NCKIPSD: variants seen among roughly 807,000 people sequenced by gnomAD.
NCKIPSD encodes the protein NCK interacting protein with SH3 domain.
Under a neutral mutation model 73.4 loss-of-function variants are expected in NCKIPSD, and 48 were observed. That is an observed-to-expected ratio of 0.65 (90% CI 0.52 to 0.83). NCKIPSD has a LOEUF of 0.83. NCKIPSD is among the 40% of genes least tolerant of loss of function. NCKIPSD has a pLI of 0.00. For synonymous variants in NCKIPSD, 422 were observed against 403.6 expected (o/e 1.05, Z -0.54); for missense variants, 884 against 970.2 (o/e 0.91, Z 1.18).
At chr3:48,678,787 A>G in intron 11 of NCKIPSD, 51 bp from the exon 12 acceptor site, 1 of 1,611,146 alleles carries the variant, frequency 6.2e-7, no homozygotes, top group Non-Finnish European at 8.5e-7. Context: ...GGGATCCCAG[A>G]GTCACCCCAG....
At position 48,685,898 on chromosome 3, in the gene NCKIPSD, C is replaced by G; in HGVS notation, c.-91G>C. The G allele has an allele frequency of 1.6e-6, 2 of 1,238,334 alleles. No individual in the cohort carries two copies. Among genetic ancestry groups the G allele is most frequent in the Non-Finnish European group, 1.0e-6 (1 of 962,198 alleles). 76.7% of individuals were successfully genotyped at this position (1,238,334 alleles called of 1,614,324 possible). A position where few individuals can be genotyped will look rare whatever the true frequency, so the allele number is the denominator to read the frequency against. On this transcript the variant is annotated 5_prime_UTR_variant, in exon 1 of 13. Transcript: ENST00000294129. ...GCGCCGAGCCGCGCCGCGGTTGTCC[C>G]GCCCCGTGACACACTACGCAGGCGC... is the stretch of plus-strand genomic sequence containing the variant.
chr3:48,683,348 C>T (rs555018133), intron 1 of NCKIPSD, among the ~76,000 whole-genome samples: 2 of 152,264 alleles, frequency 1.3e-5, no homozygotes, highest in Admixed American at 6.5e-5. Context: ...CAGCCAGGAG[C>T]GCATACCTCG....
intron 12 of NCKIPSD, among the ~76,000 whole-genome samples, chr3:48,675,521 T>TATATG (rs1369157172): frequency 6.8e-5 from 5 of 73,168 alleles, no homozygotes; most frequent in African/African-American, 2.7e-4. Flanking sequence ...TATATATATA[T>TATATG]ATATATGATA....
intron 2 of NCKIPSD, 123 bp from the exon 3 acceptor site, chr3:48,682,675 C>T (rs535940831): frequency 2.0e-5 from 25 of 1,220,210 alleles, no homozygotes; most frequent in Admixed American, 1.0e-4. Context: ...CTCCTCCATG[C>T]TCCACCCCAG....
rs774957049 is a variant in NCKIPSD at position 48,682,539 on chromosome 3, G to A, written c.295C>T (p.His99Tyr). Reference sequence around the variant, plus strand: ...CTGCGTGACAGGGTCTCTTTCCGGTGGTGGATCAGCTTCCTGATGGAAGGA... The same window carrying A: ...CTGCGTGACAGGGTCTCTTTCCGGTAGTGGATCAGCTTCCTGATGGAAGGA... ...QRGVLQKLIH[H>Y]RKETLSRRGP... is the part of the protein sequence containing the mutation. Residue 99 changes from histidine (H) to tyrosine (Y), a missense_variant, in exon 3 of 13, where the codon CAC becomes TAC. Coordinates refer to ENST00000294129, the MANE Select transcript of NCKIPSD (RefSeq NM_016453.4). 3 of 1,613,974 alleles carry A rather than the reference G, an allele frequency of 1.9e-6. No individual in the cohort carries two copies. The highest frequency in any genetic ancestry group is 2.2e-5 in the South Asian group (2 of 91,080).
In NCKIPSD at chr3:48,685,177, T is replaced by C. The variant is rs1332906860; in HGVS notation, c.171+460A>G. Among the ~76,000 whole-genome samples the C allele has an allele frequency of 3.4e-4, 9 of 26,476 alleles. No individual in the cohort carries two copies. The Admixed American group carries it at 4.0e-3, about 12-fold the overall frequency. 17.4% of individuals were successfully genotyped at this position (26,476 alleles called of 152,430 possible). On this transcript the variant is annotated intron_variant, in intron 1 of 12. Transcript: ENST00000294129. ...CTCCAACGGGGGGCAAGGCGCGGGG[T>C]TGGGGGAAGAAGGAAGGGAGGGAGG...
At position 48,681,616 on chromosome 3, in the gene NCKIPSD, C is replaced by T. The variant is rs116261211; in HGVS notation, c.763G>A (p.Val255Met). The T allele has an allele frequency of 5.1e-4, 816 of 1,613,784 alleles. 3 individuals carry two copies. The highest frequency in any genetic ancestry group is 5.5e-4 in the Admixed American group (33 of 59,994). The change falls in exon 5 of 13, where the codon GTG becomes ATG. Residue 255 changes from valine to methionine, a missense_variant. Physicochemically the swap from Val to Met is conservative, Grantham distance 21 (BLOSUM62 1). Coordinates refer to ENST00000294129, the MANE Select transcript of NCKIPSD (RefSeq NM_016453.4). ...PVPRRGTHTT[V>M]SQVQPPPSKA... ...GAGGGAGGGGGCTGGACTTGGGACA[C>T]GGTGGTGTGGGTGCCTCGGCGGGGC...
intron 5 of NCKIPSD, 124 bp downstream of exon 5, chr3:48,681,163 C>T (rs987132746): frequency 2.1e-6 from 3 of 1,408,310 alleles, no homozygotes; most frequent in Non-Finnish European, 2.8e-6. Context: ...GTCCCCAGTG[C>T]CCAGCACAGT....
intron 3 of NCKIPSD, 53 bp from the exon 4 acceptor site, chr3:48,682,209 C>G (rs913114849): frequency 6.4e-7 from 1 of 1,567,286 alleles, no homozygotes; most frequent in Non-Finnish European, 8.6e-7. Context: ...AGAGCGTCAG[C>G]GAGGCTCGGG....
chr3:48,679,027 G>A (rs375525257), intron 10 of NCKIPSD, 28 bp downstream of exon 10: 64 of 1,613,996 alleles, frequency 4.0e-5, no homozygotes, highest in Non-Finnish European at 5.3e-5. Context: ...CATGTGCTCA[G>A]CCACCGCCCA....
At chr3:48,676,428 C>T (rs2077258002) in intron 12 of NCKIPSD, among the ~76,000 whole-genome samples, 1 of 152,182 alleles carries the variant, frequency 6.6e-6, no homozygotes, top group Non-Finnish European at 1.5e-5. Flanking sequence ...TCTCTCTGTG[C>T]TTGCTGGATC....
At position 48,685,870 on chromosome 3, in the gene NCKIPSD, G is replaced by A. The variant is rs1361579580; in HGVS notation, c.-63C>T. 6.0e-6 allele frequency: 8 copies of A among 1,323,890 alleles called. No homozygotes were observed. Among genetic ancestry groups the A allele is most frequent in the East Asian group, 3.1e-5 (1 of 32,002 alleles). The allele number at this position is 1,323,890 out of a possible 1,614,324, so 82.0% of individuals were successfully genotyped here. On this transcript the variant is annotated 5_prime_UTR_variant, in exon 1 of 13. Transcript: ENST00000294129. Reference sequence around the variant, plus strand: ...GCTGCGGCGCCACAACGCCAGGCCGGGAGCGCCGAGCCGCGCCGCGGTTGT... The same window carrying A: ...GCTGCGGCGCCACAACGCCAGGCCGAGAGCGCCGAGCCGCGCCGCGGTTGT...
At chr3:48,683,264 C>T (rs756003947) in intron 1 of NCKIPSD, among the ~76,000 whole-genome samples, 34 of 152,322 alleles carry the variant, frequency 2.2e-4, no homozygotes, top group Non-Finnish European at 4.1e-4. Context: ...TACCCCACAG[C>T]AAGGCTCTTG....
At position 48,681,494 on chromosome 3, in the gene NCKIPSD, C is replaced by T; in HGVS notation, c.885G>A (p.Leu295=). The T allele has an allele frequency of 6.2e-7, 1 of 1,614,182 alleles. No homozygotes were observed. Among genetic ancestry groups the T allele is most frequent in the South Asian group, 1.1e-5 (1 of 91,088 alleles). The change falls in exon 5 of 13, where the codon CTG becomes CTA. Residue 295 remains leucine, a synonymous_variant. Transcript: ENST00000294129. ...DDLEALGTLS[L]GTTEEKAAAE... The stretch of plus-strand genomic sequence containing the variant: ...CTGCTGCCTTCTCCTCTGTGGTCCC[C>T]AGGCTCAGTGTACCCAGGGCTTCCA...
rs143349092 is a variant in NCKIPSD at position 48,681,302 on chromosome 3, T to A, written c.1077A>T (p.Ser359=). 4.2e-4 allele frequency: 668 copies of A among 1,605,668 alleles called. 1 individual carries two copies. Among genetic ancestry groups the A allele is most frequent in the Non-Finnish European group, 5.1e-4 (597 of 1,177,860 alleles). ...SSPVMEQVLL[S]LVEGKDLSMA... ...CCACCCTCACCTTGCCCTCTACGAG[T>A]GAGAGGAGGACCTGCTCCATGACTG... Residue 359 remains serine, a synonymous_variant, in exon 5 of 13, where the codon TCA becomes TCT. Coordinates refer to ENST00000294129, the MANE Select transcript of NCKIPSD (RefSeq NM_016453.4).
chr3:48,682,638 T>C (rs565366246), intron 2 of NCKIPSD, 86 bp from the exon 3 acceptor site: 81 of 1,462,284 alleles, frequency 5.5e-5, no homozygotes, highest in South Asian at 4.7e-4. Context: ...TGGGACCCCA[T>C]AGCCCAGGCC....
rs2077270318 is a variant in NCKIPSD at position 48,677,312 on chromosome 3, C to G, written c.1965+1252G>C. On this transcript the variant is annotated intron_variant, in intron 12 of 12. Coordinates refer to ENST00000294129, the MANE Select transcript of NCKIPSD (RefSeq NM_016453.4). ...CTGAGGCAGGAGAATCACTTGAAACCAGGAGGCGGAGGTTACAGTGAGCCA... is the reference window on the plus strand; with the variant it reads ...CTGAGGCAGGAGAATCACTTGAAACGAGGAGGCGGAGGTTACAGTGAGCCA... 2.0e-5 allele frequency among the ~76,000 whole-genome samples: 3 copies of G among 151,958 alleles called. No homozygotes were observed. The South Asian group carries it at 6.3e-4, about 32-fold the overall frequency.
intron 5 of NCKIPSD, 43 bp from the exon 6 acceptor site, chr3:48,680,272 C>A: frequency 1.3e-6 from 2 of 1,527,632 alleles, no homozygotes; most frequent in East Asian, 2.3e-5. Context: ...ACTCCCTGCC[C>A]TCACCATCTC....
intron 9 of NCKIPSD, 94 bp from the exon 10 acceptor site, chr3:48,679,277 C>A: frequency 6.2e-7 from 1 of 1,611,742 alleles, no homozygotes; most frequent in South Asian, 1.1e-5. Flanking sequence ...TTGGGGATAG[C>A]CTCTCCCTGC....
Sources: allele counts gnomAD v4.1 joint callset (sites outside exome capture counted in the v4.1 genomes callset), GRCh38; gene constraint gnomAD v4.1.1; transcripts MANE v1.5; gene names NCBI Gene and HGNC (gene_info 2026-07-23, HGNC 2026-07-21).